Variants in SNTG2 observed in about 807,000 individuals in gnomAD.
SNTG2 encodes syntrophin gamma 2, also known as gamma-2-syntrophin.
In SNTG2, 74 loss-of-function variants were observed where a neutral mutation model predicts 70.9. The ratio of observed to expected loss-of-function variants is 1.04; its 90% CI spans 0.86 to 1.27. The LOEUF is 1.27. Among genes scored for constraint, SNTG2 ranks in the 50% most tolerant of loss-of-function variants. SNTG2 has a pLI of 0.00. For missense variants in SNTG2, 717 were observed against 690.7 expected, an observed-to-expected ratio of 1.04 and a Z score of -0.43; for synonymous variants, 278 against 273.8, an observed-to-expected ratio of 1.02 and a Z score of -0.15.
chr2:1,279,004 C>T (rs1469982303), intron 14 of SNTG2, among the ~76,000 whole-genome samples: 2 of 89,466 alleles, frequency 2.2e-5, no homozygotes, highest in Non-Finnish European at 5.4e-5. Context: ...TCTGTCAGTG[C>T]GTGAATAACC....
chr2:1,260,273 C>T (rs1049119243), intron 13 of SNTG2, among the ~76,000 whole-genome samples: 6 of 152,088 alleles, frequency 3.9e-5, no homozygotes, highest in Non-Finnish European at 8.8e-5. Context: ...TCTGTAGTTG[C>T]TTTATTTTAA....
Position 1,125,711 on chromosome 2 carries a change from AATTT to A in SNTG2, c.326-11907_326-11904del, listed in dbSNP as rs558250673. Reference sequence around the variant, plus strand: ...TTTAATTTTGATGTGTGTTTTGCTTAATTTATTCTCAATTGAGAAACTTTTTCTC... The same window carrying A: ...TTTAATTTTGATGTGTGTTTTGCTTAATTCTCAATTGAGAAACTTTTTCTC... On this transcript the variant is annotated intron_variant, in intron 4 of 16. Coordinates refer to ENST00000308624, the MANE Select transcript of SNTG2 (RefSeq NM_018968.4). 1.8e-3 allele frequency among the ~76,000 whole-genome samples: 264 copies of A among 150,476 alleles called. 2 individuals carry two copies. The highest frequency in any genetic ancestry group is 5.8e-3 in the African/African-American group (242 of 41,470).
intron 1 of SNTG2, among the ~76,000 whole-genome samples, chr2:1,049,442 T>G (rs567698609): frequency 6.6e-6 from 1 of 152,328 alleles, no homozygotes; most frequent in African/African-American, 2.4e-5. Flanking sequence ...GCTCTTTCCC[T>G]TACTAACATG....
intron 14 of SNTG2, among the ~76,000 whole-genome samples, chr2:1,276,874 A>C (rs1457767545): frequency 6.6e-6 from 1 of 152,234 alleles, no homozygotes; most frequent in Non-Finnish European, 1.5e-5. Context: ...AGTTTGGAAG[A>C]AGCTGATTCC....
chr2:1,045,165 C>A (rs189378647), intron 1 of SNTG2, among the ~76,000 whole-genome samples: 193 of 151,884 alleles, frequency 1.3e-3, no homozygotes, highest in Admixed American at 2.2e-3. Flanking sequence ...TCAGGGTTTT[C>A]TAGTTTGTGT....
At chr2:1,327,168 AT>A (rs1248541352) in intron 16 of SNTG2, among the ~76,000 whole-genome samples, 4 of 151,362 alleles carry the variant, frequency 2.6e-5, no homozygotes, top group Middle Eastern at 3.5e-3. Flanking sequence ...GAAGTAAGGG[AT>A]TTTTTTTTAA....
At chr2:1,123,891 C>T (rs966920222) in intron 4 of SNTG2, among the ~76,000 whole-genome samples, 1 of 152,164 alleles carries the variant, frequency 6.6e-6, no homozygotes. Flanking sequence ...GAAAGACAAG[C>T]GCCACATGCT....
At chr2:1,174,239 C>T (rs1191600942) in intron 8 of SNTG2, among the ~76,000 whole-genome samples, 1 of 151,992 alleles carries the variant, frequency 6.6e-6, no homozygotes, top group African/African-American at 2.4e-5. Flanking sequence ...AGATATAAGG[C>T]ATCCTGAATT....
intron 8 of SNTG2, among the ~76,000 whole-genome samples, chr2:1,207,719 T>G (rs920923550): frequency 2.0e-5 from 3 of 152,098 alleles, no homozygotes; most frequent in Non-Finnish European, 2.9e-5. Flanking sequence ...GTTCCAGGGA[T>G]CTCATGAGAA....
intron 16 of SNTG2, among the ~76,000 whole-genome samples, chr2:1,338,639 A>T (rs1280474334): frequency 6.6e-6 from 1 of 152,088 alleles, no homozygotes; most frequent in East Asian, 1.9e-4. Flanking sequence ...TACCTTTTCT[A>T]TCTGGCTTCT....
At chr2:1,151,431 C>T (rs138524782) in intron 6 of SNTG2, among the ~76,000 whole-genome samples, 1 of 151,256 alleles carries the variant, frequency 6.6e-6, no homozygotes, top group East Asian at 2.0e-4. Context: ...TTTTGTTTTC[C>T]CGGTGCTACC....
intron 16 of SNTG2, among the ~76,000 whole-genome samples, chr2:1,357,036 A>T (rs1171367297): frequency 2.0e-5 from 3 of 151,706 alleles, no homozygotes; most frequent in African/African-American, 4.8e-5. Flanking sequence ...AATTTTGCTG[A>T]ATTTTTGTTT....
intron 1 of SNTG2, chr2:1,059,457 C>T (rs976566221): frequency 2.6e-5 from 4 of 152,048 alleles, no homozygotes; most frequent in African/African-American, 9.7e-5. Flanking sequence ...AGAAGGATTC[C>T]ACAGGTTTTA....
At chr2:1,214,982 T>G (rs536643254) in intron 9 of SNTG2, among the ~76,000 whole-genome samples, 3 of 152,330 alleles carry the variant, frequency 2.0e-5, no homozygotes, top group South Asian at 2.1e-4. Context: ...CTGCATCTAT[T>G]GCTACAATGT....
chr2:1,236,146 CAATG>C (rs1337809795), intron 9 of SNTG2, among the ~76,000 whole-genome samples: 1 of 152,070 alleles, frequency 6.6e-6, no homozygotes. Context: ...GAAATGATGG[CAATG>C]AACCCATTTT....
At chr2:1,272,884 C>G (rs1334840924) in intron 14 of SNTG2, among the ~76,000 whole-genome samples, 1 of 152,198 alleles carries the variant, frequency 6.6e-6, no homozygotes, top group Admixed American at 6.5e-5. Flanking sequence ...TGGAGGACAA[C>G]AGTGTCTCCT....
At chr2:1,258,596 A>G (rs1230414017) in intron 12 of SNTG2, among the ~76,000 whole-genome samples, 1 of 152,234 alleles carries the variant, frequency 6.6e-6, no homozygotes, top group Non-Finnish European at 1.5e-5. Flanking sequence ...TGTTTCAAAG[A>G]CATAATTCCG....
chr2:1,125,218 T>C (rs1667625854), intron 4 of SNTG2, among the ~76,000 whole-genome samples: 1 of 152,206 alleles, frequency 6.6e-6, no homozygotes, highest in East Asian at 1.9e-4. Flanking sequence ...TTACTATAAA[T>C]AGCTACTAAA....
At chr2:990,484 G>A (rs1661454275) in intron 1 of SNTG2, among the ~76,000 whole-genome samples, 2 of 152,148 alleles carry the variant, frequency 1.3e-5, no homozygotes, top group African/African-American at 2.4e-5. Context: ...CGTGGTGGGG[G>A]AGCTCTCCTG....
Sources: allele counts gnomAD v4.1 joint callset (sites outside exome capture counted in the v4.1 genomes callset), GRCh38; gene constraint gnomAD v4.1.1; transcripts MANE v1.5; gene names NCBI Gene and HGNC (gene_info 2026-07-23, HGNC 2026-07-21).